The following KCNMA1 variants were observed in gnomAD, a reference collection of about 807,000 sequenced individuals.
The protein encoded by KCNMA1 is Calcium-activated potassium channel subunit alpha-1.
In KCNMA1, 29 loss-of-function variants were observed where a neutral mutation model predicts 140.0. The observed-to-expected ratio is 0.21, with a 90% CI of 0.15 to 0.28. The LOEUF is 0.28. Among genes scored for constraint, KCNMA1 ranks in the 10% least tolerant of loss-of-function variants. KCNMA1 has a pLI of 1.00. For missense variants in KCNMA1, 880 were observed against 1,602.2 expected (o/e 0.55, Z 7.70); for synonymous variants, 612 against 611.9 (o/e 1.00, Z 0.00).
intron 20 of KCNMA1, among the ~76,000 whole-genome samples, chr10:76,958,937 C>A (rs1205851740): frequency 6.6e-6 from 1 of 152,170 alleles, no homozygotes; most frequent in Non-Finnish European, 1.5e-5. Flanking sequence ...TAGCTGAAGG[C>A]CCCCGGCTGC....
intron 23 of KCNMA1, among the ~76,000 whole-genome samples, chr10:76,927,182 C>G (rs2057969222): frequency 6.6e-6 from 1 of 152,182 alleles, no homozygotes; most frequent in South Asian, 2.1e-4. Context: ...CCTTCACAAG[C>G]TCTAGTGTAC....
intron 1 of KCNMA1, among the ~76,000 whole-genome samples, chr10:77,431,101 T>A (rs1315789816): frequency 6.6e-6 from 1 of 152,154 alleles, no homozygotes; most frequent in African/African-American, 2.4e-5. Context: ...TTCAGAAAGA[T>A]AAAAGATCAA....
At chr10:77,526,038 G>A (rs1452684058) in intron 1 of KCNMA1, among the ~76,000 whole-genome samples, 4 of 152,202 alleles carry the variant, frequency 2.6e-5, no homozygotes, top group Non-Finnish European at 4.4e-5. Context: ...CTCACCAGAA[G>A]AGATGGTCCC....
Position 77,385,174 on chromosome 10 carries a change from T to C in KCNMA1, c.540+18688A>G, listed in dbSNP as rs146462471. On this transcript the variant is annotated intron_variant, in intron 2 of 27. Coordinates refer to ENST00000286628, the MANE Select transcript of KCNMA1 (RefSeq NM_001161352.2). ...TCTCTCCAGATACTCAATAAGATTATTGAATTATTGATTATTGAATAAAAA... is the reference window on the plus strand; with the variant it reads ...TCTCTCCAGATACTCAATAAGATTACTGAATTATTGATTATTGAATAAAAA... 2.1e-3 allele frequency among the ~76,000 whole-genome samples: 325 copies of C among 152,342 alleles called. 1 individual carries two copies. Among genetic ancestry groups the C allele is most frequent in the African/African-American group, 7.1e-3 (297 of 41,588 alleles).
rs549530832 is a variant in KCNMA1 at position 77,003,651 on chromosome 10, A to T, written c.2093-2071T>A. Reference sequence around the variant, plus strand: ...TTTTAATCAAATGCTGTAGCAGAAGAGAAGCCCATCAAACTCTGGAATGCT... The same window carrying T: ...TTTTAATCAAATGCTGTAGCAGAAGTGAAGCCCATCAAACTCTGGAATGCT... On this transcript the variant is annotated intron_variant, in intron 18 of 27. Coordinates refer to ENST00000286628, the MANE Select transcript of KCNMA1 (RefSeq NM_001161352.2). Among the ~76,000 whole-genome samples, 34 of 152,350 alleles carry T rather than the reference A, an allele frequency of 2.2e-4. No individual in the cohort carries two copies. In the South Asian group the frequency reaches 4.8e-3, roughly 21 times the overall value.
intron 2 of KCNMA1, among the ~76,000 whole-genome samples, chr10:77,345,401 C>A (rs2091941474): frequency 6.6e-6 from 1 of 152,162 alleles, no homozygotes; most frequent in Admixed American, 6.5e-5. Context: ...AAATCATGGA[C>A]TGAGTACCTT....
chr10:77,136,625 C>T (rs1478613810), intron 5 of KCNMA1, among the ~76,000 whole-genome samples: 8 of 149,092 alleles, frequency 5.4e-5, no homozygotes, highest in Non-Finnish European at 1.2e-4. Flanking sequence ...AGATGAAGTG[C>T]ATGGTCCCTA....
intron 2 of KCNMA1, among the ~76,000 whole-genome samples, chr10:77,335,227 T>A (rs527911427): frequency 6.6e-6 from 1 of 152,146 alleles, no homozygotes; most frequent in Non-Finnish European, 1.5e-5. Flanking sequence ...TGTCCCAAGA[T>A]GAAAACAAAG....
intron 1 of KCNMA1, among the ~76,000 whole-genome samples, chr10:77,471,403 C>T (rs1046279343): frequency 6.7e-6 from 1 of 149,456 alleles, no homozygotes; most frequent in Non-Finnish European, 1.5e-5. Context: ...ACACACATCA[C>T]ACATACACAC....
chr10:77,007,673 A>ATATATATATATATATATATATATG (rs201799760), intron 18 of KCNMA1, among the ~76,000 whole-genome samples: 14 of 142,500 alleles, frequency 9.8e-5, no homozygotes, highest in African/African-American at 3.6e-4. Context: ...ATATATATAT[A>ATATATATATATATATATATATATG]TATGTATCAC....
At chr10:77,252,222 C>T (rs555758674) in intron 2 of KCNMA1, among the ~76,000 whole-genome samples, 10 of 152,214 alleles carry the variant, frequency 6.6e-5, no homozygotes, top group Non-Finnish European at 1.2e-4. Flanking sequence ...GTCCTCAGTA[C>T]ACATTCTACT....
At chr10:77,177,709 C>T (rs2098765156) in intron 5 of KCNMA1, among the ~76,000 whole-genome samples, 1 of 152,196 alleles carries the variant, frequency 6.6e-6, no homozygotes, top group Middle Eastern at 3.4e-3. Context: ...ATTGCAGCCT[C>T]CACTGAGCCC....
chr10:76,887,251 C>T lies in KCNMA1; in HGVS notation c.*15G>A, dbSNP rs200873312. 38 of 1,613,830 alleles carry T rather than the reference C, an allele frequency of 2.4e-5. No individual in the cohort carries two copies. Among genetic ancestry groups the T allele is most frequent in the Middle Eastern group, 1.6e-4 (1 of 6,082 alleles). ...TGGCAGATACAGTTTCACACAGTGG[C>T]GGTGGATACACATATCAAAGCCGCT... is the stretch of plus-strand genomic sequence containing the variant. On this transcript the variant is annotated 3_prime_UTR_variant, in exon 28 of 28. Coordinates refer to ENST00000286628, the MANE Select transcript of KCNMA1 (RefSeq NM_001161352.2).
chr10:77,528,060 C>T lies in KCNMA1; in HGVS notation c.378+109205G>A, dbSNP rs2056431280. ...ATGATGCTTAACCACTCTGTGCCTGCATCTCCTCATCTGAAAACCAGGACC... is the reference window on the plus strand; with the variant it reads ...ATGATGCTTAACCACTCTGTGCCTGTATCTCCTCATCTGAAAACCAGGACC... On this transcript the variant is annotated intron_variant, in intron 1 of 27. Transcript: ENST00000286628. 2.6e-5 allele frequency among the ~76,000 whole-genome samples: 4 copies of T among 152,150 alleles called. No homozygotes were observed. In the South Asian group the frequency reaches 8.3e-4, roughly 32 times the overall value.
At chr10:77,295,811 A>C (rs191065397) in intron 2 of KCNMA1, among the ~76,000 whole-genome samples, 5,909 of 148,988 alleles carry the variant, frequency 0.04, 634 homozygotes, top group African/African-American at 0.14. Flanking sequence ...AAAAAAAAAA[A>C]AAAAAACAGT....
intron 5 of KCNMA1, among the ~76,000 whole-genome samples, chr10:77,146,723 A>AG (rs1564814108): frequency 7.3e-6 from 1 of 137,606 alleles, no homozygotes; most frequent in Admixed American, 7.5e-5. Flanking sequence ...AAAAAAAAAA[A>AG]AAAAAAAGAA....
At chr10:77,633,895 T>C (rs2154571532) in intron 1 of KCNMA1, among the ~76,000 whole-genome samples, 1 of 152,234 alleles carries the variant, frequency 6.6e-6, no homozygotes, top group Non-Finnish European at 1.5e-5. Flanking sequence ...GAGCAGAAGA[T>C]GGAAATAAAG....
At chr10:77,309,641 C>T (rs1363675248) in intron 2 of KCNMA1, 1 of 152,194 alleles carries the variant, frequency 6.6e-6, no homozygotes, top group East Asian at 1.9e-4. Flanking sequence ...TATATTTTCC[C>T]CCTACCCACC....
chr10:76,986,845 C>G (rs902402402), intron 19 of KCNMA1, among the ~76,000 whole-genome samples: 4 of 152,106 alleles, frequency 2.6e-5, no homozygotes, highest in Non-Finnish European at 5.9e-5. Flanking sequence ...ACATCAGCAC[C>G]CCCAGATCCA....
Sources: allele counts gnomAD v4.1 joint callset (sites outside exome capture counted in the v4.1 genomes callset), GRCh38; gene constraint gnomAD v4.1.1; transcripts MANE v1.5; gene names NCBI Gene and HGNC (gene_info 2026-07-23, HGNC 2026-07-21).